The following DCDC1 variants were observed in gnomAD, a reference collection of about 807,000 sequenced individuals.
DCDC1 encodes the protein doublecortin domain containing 1, also known as doublecortin domain-containing protein 1.
DCDC1 carries 200 observed loss-of-function variants against 178.3 expected under a neutral mutation model. The ratio of observed to expected loss-of-function variants is 1.12; its 90% CI spans 1.00 to 1.26. The LOEUF (loss-of-function observed/expected upper bound fraction) is 1.26, where lower values mean the gene tolerates loss of function less well. Ranked by LOEUF, DCDC1 falls within the 50% of genes most tolerant of loss-of-function variation. The probability of loss-of-function intolerance (pLI) is 0.00; values close to 1 mark genes in which losing one functional copy is unlikely to be tolerated. For synonymous variants in DCDC1, 690 were observed against 604.8 expected, an observed-to-expected ratio of 1.14 and a Z score of -2.07; for missense variants, 1,983 against 1,749.2, an observed-to-expected ratio of 1.13 and a Z score of -2.38.
At chr11:31,283,251 G>C (rs1462858434) in intron 7 of DCDC1, among the ~76,000 whole-genome samples, 1 of 152,064 alleles carries the variant, frequency 6.6e-6, no homozygotes, top group Non-Finnish European at 1.5e-5. Context: ...CTCAGTCCTT[G>C]CTTTCAGCCT....
At position 31,249,752 on chromosome 11, in the gene DCDC1, A is replaced by G. The variant is rs186017997; in HGVS notation, c.1055-8136T>C. ...AGAGACCTAAATTGTTACATTTCAT[A>G]AAATTTGAAAAGTAAAGGTAAATGC... is the stretch of plus-strand genomic sequence containing the variant. On this transcript the variant is annotated intron_variant, in intron 8 of 38. Coordinates refer to ENST00000684477, the MANE Select transcript of DCDC1 (RefSeq NM_001387274.1). Among the ~76,000 whole-genome samples, 3 of 152,330 alleles carry G rather than the reference A, an allele frequency of 2.0e-5. No homozygotes were observed. The East Asian group carries it at 5.8e-4, about 29-fold the overall frequency.
intron 20 of DCDC1, among the ~76,000 whole-genome samples, chr11:30,960,744 T>A (rs1041788757): frequency 1.3e-5 from 2 of 152,036 alleles, no homozygotes; most frequent in East Asian, 3.9e-4. Context: ...AAACAAAACA[T>A]CTCAGGCTTT....
At position 31,310,303 on chromosome 11, in the gene DCDC1, TCTTGA is replaced by T. The variant is rs143511127; in HGVS notation, c.165-2400_165-2396del. ...ACATTGAGGACAGGTTTTCAGTAAT[TCTTGA>T]TTTTTTTTTTTTTTTTTTTTTTTTT... is the stretch of plus-strand genomic sequence containing the variant. On this transcript the variant is annotated intron_variant, in intron 3 of 38. Coordinates refer to ENST00000684477, the MANE Select transcript of DCDC1 (RefSeq NM_001387274.1). Among the ~76,000 whole-genome samples, 657 of 135,536 alleles carry T rather than the reference TCTTGA, an allele frequency of 4.8e-3. 31 individuals are homozygous for T. The highest frequency in any genetic ancestry group is 0.019 in the African/African-American group (594 of 30,936). 88.9% of individuals were successfully genotyped at this position (135,536 alleles called of 152,430 possible).
intron 17 of DCDC1, among the ~76,000 whole-genome samples, chr11:31,080,061 T>A (rs942030734): frequency 6.6e-6 from 1 of 152,132 alleles, no homozygotes; most frequent in African/African-American, 2.4e-5. Flanking sequence ...AACTTCAGCA[T>A]TAGGTGGGGT....
At chr11:31,251,572 G>A (rs577379847) in intron 8 of DCDC1, among the ~76,000 whole-genome samples, 29 of 151,936 alleles carry the variant, frequency 1.9e-4, no homozygotes, top group African/African-American at 5.3e-4. Flanking sequence ...CCATAATCAC[G>A]TGAACCAATT....
intron 9 of DCDC1, among the ~76,000 whole-genome samples, chr11:31,154,690 G>A (rs1230546390): frequency 6.6e-6 from 1 of 152,142 alleles, no homozygotes; most frequent in African/African-American, 2.4e-5. Context: ...GAAGTCTGGT[G>A]CAATATATAA....
intron 9 of DCDC1, among the ~76,000 whole-genome samples, chr11:31,144,848 G>A (rs1241043491): frequency 6.6e-6 from 1 of 151,952 alleles, no homozygotes; most frequent in Non-Finnish European, 1.5e-5. Context: ...TATTTTCTCA[G>A]TATATTGTTG....
chr11:31,005,484 A>G (rs887211788), intron 20 of DCDC1, among the ~76,000 whole-genome samples: 18 of 152,204 alleles, frequency 1.2e-4, no homozygotes, highest in African/African-American at 3.9e-4. Flanking sequence ...ATGCTGCTCT[A>G]AGCAATCCTT....
chr11:31,355,496 A>G (rs918790096), intron 1 of DCDC1, among the ~76,000 whole-genome samples: 15 of 152,310 alleles, frequency 9.8e-5, no homozygotes, highest in Admixed American at 2.0e-4. Context: ...TCAAACATTT[A>G]AAATAATAAT....
intron 9 of DCDC1, among the ~76,000 whole-genome samples, chr11:31,215,526 A>G (rs1282796326): frequency 1.3e-5 from 2 of 152,012 alleles, no homozygotes; most frequent in East Asian, 3.9e-4. Flanking sequence ...CTGGCGCGGT[A>G]GCTCATGCCT....
chr11:31,004,213 C>G (rs1165699468), intron 20 of DCDC1, among the ~76,000 whole-genome samples: 1 of 151,990 alleles, frequency 6.6e-6, no homozygotes, highest in Non-Finnish European at 1.5e-5. Context: ...CAAATGGAAC[C>G]AAAATTTGCC....
At chr11:31,359,469 G>T (rs1358809014) in intron 1 of DCDC1, among the ~76,000 whole-genome samples, 1 of 151,660 alleles carries the variant, frequency 6.6e-6, no homozygotes, top group Non-Finnish European at 1.5e-5. Flanking sequence ...AGCATTGGGA[G>T]ATATACCTAA....
intron 7 of DCDC1, among the ~76,000 whole-genome samples, chr11:31,269,089 C>A (rs1460966571): frequency 6.6e-6 from 1 of 152,136 alleles, no homozygotes; most frequent in Non-Finnish European, 1.5e-5. Flanking sequence ...CTCTGTCATT[C>A]CTTCCTACTT....
intron 20 of DCDC1, among the ~76,000 whole-genome samples, chr11:31,015,331 T>C (rs547661470): frequency 9.8e-5 from 15 of 152,342 alleles, no homozygotes; most frequent in Non-Finnish European, 2.1e-4. Flanking sequence ...AGTCCTCTTC[T>C]TATTGTTAAA....
chr11:31,131,188 C>CA (rs565349028), intron 10 of DCDC1, among the ~76,000 whole-genome samples: 8,192 of 21,378 alleles, frequency 0.38, 2,924 homozygotes, highest in African/African-American at 0.69. Context: ...GACTCCGTCT[C>CA]AAAAAAAAAA....
At chr11:31,051,266 C>T (rs1184881715) in intron 20 of DCDC1, among the ~76,000 whole-genome samples, 1 of 152,060 alleles carries the variant, frequency 6.6e-6, no homozygotes, top group Admixed American at 6.6e-5. Context: ...AACAATCCAA[C>T]AAAGACAAAG....
chr11:31,077,909 A>G lies in DCDC1; in HGVS notation c.2254T>C (p.Ser752Pro). 1 of 766,244 alleles carries G rather than the reference A, an allele frequency of 1.3e-6. No homozygotes were observed. 47.5% of individuals were successfully genotyped at this position (766,244 alleles called of 1,614,324 possible). Residue 752 changes from serine to proline, a missense_variant, in exon 18 of 39, where the codon TCT becomes CCT. By Grantham distance (74) the Ser-to-Pro change is moderately conservative. Coordinates refer to ENST00000684477, the MANE Select transcript of DCDC1 (RefSeq NM_001387274.1). ...TCAGTTCCAAACACCCACTTCTGAG[A>G]GTCATCTCCACTATGTCTGTAACGA... ...ILQKRHSGDD[S>P]QKWVFGTDGC...
chr11:31,334,513 T>C (rs1295734493), intron 2 of DCDC1, among the ~76,000 whole-genome samples: 1 of 152,202 alleles, frequency 6.6e-6, no homozygotes, highest in Non-Finnish European at 1.5e-5. Flanking sequence ...TCCATCTTTG[T>C]GGTTTTATCT....
At chr11:30,899,002 T>C (rs2134095525) in intron 34 of DCDC1, among the ~76,000 whole-genome samples, 1 of 152,266 alleles carries the variant, frequency 6.6e-6, no homozygotes, top group East Asian at 1.9e-4. Context: ...AGGAGACCAA[T>C]AATTGATCAC....
Sources: gnomAD v4.1 joint callset for allele counts (sites outside exome capture counted in the v4.1 genomes callset) on GRCh38, gnomAD v4.1.1 for gene constraint, MANE v1.5 for transcripts, NCBI Gene and HGNC (gene_info 2026-07-23, HGNC 2026-07-21) for gene names.